Variants in INTS8 observed in about 807,000 individuals in gnomAD.
INTS8 encodes protein kaonashi-1.
INTS8 carries 47 observed loss-of-function variants against 138.9 expected under a neutral mutation model. The observed-to-expected ratio is 0.34, with a 90% CI of 0.27 to 0.43. The LOEUF (loss-of-function observed/expected upper bound fraction) is 0.43. Among genes scored for constraint, INTS8 ranks in the 20% least tolerant of loss-of-function variants. The probability of loss-of-function intolerance (pLI) is 1.00; values close to 1 mark genes in which losing one functional copy is unlikely to be tolerated. For synonymous variants in INTS8, 392 were observed against 400.9 expected, an observed-to-expected ratio of 0.98 and a Z score of 0.27; for missense variants, 996 against 1,173.0, an observed-to-expected ratio of 0.85 and a Z score of 2.20.
intron 14 of INTS8, among the ~76,000 whole-genome samples, chr8:94,854,439 C>T (rs1265685539): frequency 6.6e-6 from 1 of 152,038 alleles, no homozygotes; most frequent in East Asian, 1.9e-4. Flanking sequence ...GTTGAGAGAA[C>T]ATGCAAAGAT....
At chr8:94,850,175 T>C in intron 12 of INTS8, 84 bp downstream of exon 12, 1 of 932,512 alleles carries the variant, frequency 1.1e-6, no homozygotes, top group Non-Finnish European at 1.6e-6. Context: ...TTGAGGATTC[T>C]CTCTTGTTTT....
chr8:94,829,535 C>T (rs1044231641), intron 5 of INTS8, among the ~76,000 whole-genome samples: 11 of 152,140 alleles, frequency 7.2e-5, no homozygotes, highest in African/African-American at 2.7e-4. Context: ...TTTGCTCACC[C>T]GCTGCTCACT....
At position 94,824,974 on chromosome 8, in the gene INTS8, C is replaced by T; in HGVS notation, c.212C>T (p.Pro71Leu). ...GTTAATGAACAAAACCAAGTTCAAC[C>T]TCCGCCTGATAACAAGAGAAATCGT... The part of the protein sequence containing the change: ...PSVNEQNQVQ[P>L]PPDNKRNRIL... Residue 71 changes from proline (P) to leucine (L), a missense_variant, in exon 2 of 27, where the codon CCT (proline) becomes CTT (leucine). Coordinates refer to ENST00000523731, the MANE Select transcript of INTS8 (RefSeq NM_017864.4). The T allele has an allele frequency of 6.2e-7, 1 of 1,612,644 alleles. No homozygotes were observed. The highest frequency in any genetic ancestry group is 8.5e-7 in the Non-Finnish European group (1 of 1,178,866).
intron 10 of INTS8, among the ~76,000 whole-genome samples, chr8:94,843,670 T>C (rs1034399110): frequency 2.0e-5 from 3 of 152,324 alleles, no homozygotes. Flanking sequence ...TATACACATA[T>C]GATGGAGGGA....
At chr8:94,833,929 G>A (rs1356754879) in intron 6 of INTS8, among the ~76,000 whole-genome samples, 3 of 151,990 alleles carry the variant, frequency 2.0e-5, no homozygotes, top group South Asian at 4.1e-4. Context: ...GCACCACCTC[G>A]CCTGGCTAAT....
intron 20 of INTS8, among the ~76,000 whole-genome samples, chr8:94,869,437 A>G (rs1311937508): frequency 6.6e-6 from 1 of 151,868 alleles, no homozygotes; most frequent in Admixed American, 6.6e-5. Flanking sequence ...AGCAATTACT[A>G]CAGGCGTGTG....
chr8:94,859,114 AATTAGCCAGGTGTGGTAGC>A (rs940513970), intron 15 of INTS8, among the ~76,000 whole-genome samples: 2 of 151,726 alleles, frequency 1.3e-5, no homozygotes, highest in African/African-American at 4.8e-5. Context: ...AAAATGCAAA[AATTAGCCAGGTGTGGTAGC>A]ATTAGCCAGG....
chr8:94,833,595 G>A (rs569250730), intron 6 of INTS8, among the ~76,000 whole-genome samples: 1 of 152,108 alleles, frequency 6.6e-6, no homozygotes, highest in East Asian at 1.9e-4. Context: ...TTTAAAAGTT[G>A]TTGATGACAC....
At chr8:94,852,567 A>G (rs1815584909) in intron 13 of INTS8, among the ~76,000 whole-genome samples, 1 of 152,072 alleles carries the variant, frequency 6.6e-6, no homozygotes, top group African/African-American at 2.4e-5. Context: ...AGATGTAGTA[A>G]AAAGGCAGCC....
At chr8:94,845,511 G>A (rs1404967957) in intron 10 of INTS8, among the ~76,000 whole-genome samples, 1 of 152,142 alleles carries the variant, frequency 6.6e-6, no homozygotes, top group African/African-American at 2.4e-5. Context: ...TGCCCAGGCT[G>A]GAGTGCAGTG....
At chr8:94,835,475 C>T (rs934382259) in intron 6 of INTS8, among the ~76,000 whole-genome samples, 2 of 152,182 alleles carry the variant, frequency 1.3e-5, no homozygotes, top group Admixed American at 1.3e-4. Context: ...GCATACATTT[C>T]TCACTTTAAC....
intron 21 of INTS8, 27 bp from the exon 22 acceptor site, chr8:94,873,347 T>A (rs1309764216): frequency 1.3e-6 from 2 of 1,495,358 alleles, no homozygotes; most frequent in Non-Finnish European, 1.9e-6. Context: ...TTACCTCTAA[T>A]GCTTTATGTC....
intron 11 of INTS8, 57 bp from the exon 12 acceptor site, chr8:94,849,859 T>G: frequency 7.5e-7 from 1 of 1,334,668 alleles, no homozygotes; most frequent in East Asian, 2.4e-5. Flanking sequence ...GATATGATTG[T>G]TTTTCTCAAA....
intron 14 of INTS8, among the ~76,000 whole-genome samples, chr8:94,855,374 A>C (rs577023257): frequency 4.6e-5 from 7 of 152,126 alleles, no homozygotes; most frequent in Non-Finnish European, 1.0e-4. Context: ...AAATCCAGTA[A>C]GTATTTTATA....
chr8:94,839,936 G>A (rs1815071512), intron 8 of INTS8, among the ~76,000 whole-genome samples: 1 of 152,164 alleles, frequency 6.6e-6, no homozygotes. Context: ...CCTCTCTGGA[G>A]TGGTAAGACC....
At position 94,829,040 on chromosome 8, in the gene INTS8, TCAGTTACA is replaced by T; in HGVS notation, c.570+19_570+26del. On this transcript the variant is annotated intron_variant, in intron 5 of 26. Transcript: ENST00000523731. The stretch of plus-strand genomic sequence containing the variant: ...ATTTTGAAAGTGGTAAGTATTGGCA[TCAGTTACA>T]CAGTAACACTTCAGGAACAACTTTA... 1 of 1,581,032 alleles carries T rather than the reference TCAGTTACA, an allele frequency of 6.3e-7. No homozygotes were observed. The highest frequency in any genetic ancestry group is 8.7e-7 in the Non-Finnish European group (1 of 1,155,508).
chr8:94,879,518 C>T (rs923945581), intron 26 of INTS8, among the ~76,000 whole-genome samples: 4 of 151,644 alleles, frequency 2.6e-5, no homozygotes, highest in African/African-American at 9.7e-5. Flanking sequence ...TCACTTGAAC[C>T]TGGGAGGCAA....
At chr8:94,852,358 C>T (rs1463058034) in intron 13 of INTS8, among the ~76,000 whole-genome samples, 1 of 152,134 alleles carries the variant, frequency 6.6e-6, no homozygotes, top group East Asian at 1.9e-4. Context: ...AAACTCCCAG[C>T]TAATACATTT....
intron 14 of INTS8, among the ~76,000 whole-genome samples, 179 bp from the exon 15 acceptor site, chr8:94,856,598 A>G (rs1815754635): frequency 6.6e-6 from 1 of 152,206 alleles, no homozygotes; most frequent in Non-Finnish European, 1.5e-5. Context: ...AAGTTATTAA[A>G]TATTTTTTGG....
Sources: allele counts gnomAD v4.1 joint callset (sites outside exome capture counted in the v4.1 genomes callset), GRCh38; gene constraint gnomAD v4.1.1; transcripts MANE v1.5; gene names NCBI Gene and HGNC (gene_info 2026-07-23, HGNC 2026-07-21).